Variants in CPEB3 observed in about 807,000 individuals in gnomAD.
CPEB3 encodes the protein cytoplasmic polyadenylation element-binding protein 3.
CPEB3 carries 20 observed loss-of-function variants against 67.2 expected under a neutral mutation model. The observed-to-expected ratio is 0.30, with a 90% CI of 0.21 to 0.43. CPEB3 has a LOEUF of 0.43. Ranked by LOEUF, CPEB3 falls within the 20% of genes least tolerant of loss-of-function variation. The pLI, the probability that CPEB3 is intolerant of heterozygous loss-of-function variation, is 1.00. For synonymous variants in CPEB3, 376 were observed against 393.1 expected (o/e 0.96, Z 0.51); for missense variants, 746 against 968.6 (o/e 0.77, Z 3.05).
chr10:92,120,583 A>AAAAAAAC (rs759397312), intron 6 of CPEB3, among the ~76,000 whole-genome samples: 1 of 152,158 alleles, frequency 6.6e-6, no homozygotes, highest in Non-Finnish European at 1.5e-5. Context: ...GACTGTCTCA[A>AAAAAAAC]AAAAAACAAA....
chr10:92,142,939 G>C (rs1045120438), intron 6 of CPEB3, 90 bp downstream of exon 6: 9 of 814,904 alleles, frequency 1.1e-5, no homozygotes, highest in Non-Finnish European at 1.8e-5. Flanking sequence ...AAATTCAACA[G>C]CTATTTCAAG....
chr10:92,147,468 T>A (rs1846742150), intron 4 of CPEB3, among the ~76,000 whole-genome samples: 1 of 151,542 alleles, frequency 6.6e-6, no homozygotes, highest in South Asian at 2.1e-4. Flanking sequence ...AAAAAAAACA[T>A]TAACTTACTC....
intron 1 of CPEB3, among the ~76,000 whole-genome samples, chr10:92,273,670 C>T (rs149763502): frequency 2.4e-4 from 36 of 152,218 alleles, no homozygotes; most frequent in African/African-American, 8.4e-4. Context: ...AATAAAATTT[C>T]ACTTCACACC....
chr10:92,118,686 G>C, intron 6 of CPEB3: 1 of 691,090 alleles, frequency 1.4e-6, no homozygotes, highest in Non-Finnish European at 2.7e-6. Flanking sequence ...CATGTTGGTC[G>C]ACATTGCCTC....
intron 1 of CPEB3, among the ~76,000 whole-genome samples, chr10:92,286,626 C>T (rs951264556): frequency 6.7e-6 from 1 of 149,214 alleles, no homozygotes; most frequent in Admixed American, 6.6e-5. Context: ...TAATTTGCTA[C>T]TAGCATACCT....
intron 4 of CPEB3, among the ~76,000 whole-genome samples, chr10:92,159,474 C>A (rs1045847535): frequency 1.8e-4 from 28 of 152,010 alleles, no homozygotes; most frequent in African/African-American, 6.8e-4. Flanking sequence ...GAGTTTGAGA[C>A]CATCCTGGCC....
intron 4 of CPEB3, among the ~76,000 whole-genome samples, chr10:92,178,257 C>G (rs1055446640): frequency 2.0e-5 from 3 of 151,340 alleles, no homozygotes; most frequent in African/African-American, 7.3e-5. Context: ...CTCCTGGGTT[C>G]AGGCGATTCT....
rs969367650 is a variant in CPEB3, at chr10:92,201,355, C to T, written c.1006-8719G>A. Among the ~76,000 whole-genome samples, 8 of 152,280 alleles carry T rather than the reference C, an allele frequency of 5.3e-5. No homozygotes were observed. In the East Asian group the frequency reaches 1.2e-3, roughly 22 times the overall value. On this transcript the variant is annotated intron_variant, in intron 2 of 9. Coordinates refer to ENST00000265997, the MANE Select transcript of CPEB3 (RefSeq NM_014912.5). ...CCAGCCTGGCCAACATGGTGAAACCCCGTCTCTACTAACAATATAAAAATT... is the reference window on the plus strand; with the variant it reads ...CCAGCCTGGCCAACATGGTGAAACCTCGTCTCTACTAACAATATAAAAATT...
At chr10:92,164,119 C>T (rs1214862480) in intron 4 of CPEB3, among the ~76,000 whole-genome samples, 5 of 152,120 alleles carry the variant, frequency 3.3e-5, no homozygotes, top group Admixed American at 2.0e-4. Context: ...GATAATTTAT[C>T]ATGTTCCAGG....
chr10:92,187,192 C>T (rs999324663), intron 3 of CPEB3, among the ~76,000 whole-genome samples: 6 of 152,132 alleles, frequency 3.9e-5, no homozygotes, highest in African/African-American at 1.4e-4. Flanking sequence ...GTGGCATTAT[C>T]TCTTCCATTT....
intron 2 of CPEB3, among the ~76,000 whole-genome samples, chr10:92,203,528 AT>A (rs1298232679): frequency 1.8e-3 from 172 of 93,864 alleles, no homozygotes; most frequent in Non-Finnish European, 2.4e-3. Flanking sequence ...ATATATATAT[AT>A]TTTTTTTTTA....
At chr10:92,157,824 T>C (rs1010790682) in intron 4 of CPEB3, among the ~76,000 whole-genome samples, 4 of 152,200 alleles carry the variant, frequency 2.6e-5, no homozygotes, top group African/African-American at 9.6e-5. Context: ...AAATAGTCTT[T>C]GCTATATCTT....
chr10:92,223,047 CAT>C (rs1472759610), intron 2 of CPEB3, among the ~76,000 whole-genome samples: 9 of 152,186 alleles, frequency 5.9e-5, no homozygotes, highest in Admixed American at 5.9e-4. Flanking sequence ...AATCCTCCCA[CAT>C]GATTAATTGG....
At chr10:92,199,557 G>T (rs909085497) in intron 2 of CPEB3, among the ~76,000 whole-genome samples, 11 of 151,296 alleles carry the variant, frequency 7.3e-5, no homozygotes, top group Non-Finnish European at 1.5e-4. Flanking sequence ...GGTGGCACGC[G>T]CCTGTAGTCC....
chr10:92,113,779 C>T (rs1262063248), intron 6 of CPEB3, among the ~76,000 whole-genome samples: 2 of 151,054 alleles, frequency 1.3e-5, no homozygotes, highest in African/African-American at 4.9e-5. Context: ...CTGAGCAGCT[C>T]CCACAAAAGC....
At chr10:92,185,038 T>C (rs1314270819) in intron 3 of CPEB3, among the ~76,000 whole-genome samples, 1 of 152,220 alleles carries the variant, frequency 6.6e-6, no homozygotes, top group Non-Finnish European at 1.5e-5. Flanking sequence ...GAAAAACTGA[T>C]TCCAAATTCA....
chr10:92,189,555 G>A (rs1193185393), intron 3 of CPEB3, among the ~76,000 whole-genome samples: 1 of 152,148 alleles, frequency 6.6e-6, no homozygotes, highest in Non-Finnish European at 1.5e-5. Flanking sequence ...GGCAGAGACA[G>A]AATTCACACC....
intron 6 of CPEB3, among the ~76,000 whole-genome samples, chr10:92,113,885 G>C (rs1025941654): frequency 6.6e-6 from 1 of 152,192 alleles, no homozygotes; most frequent in Admixed American, 6.5e-5. Flanking sequence ...GTAAAAGCCT[G>C]CTACAAATAC....
intron 1 of CPEB3, among the ~76,000 whole-genome samples, chr10:92,242,738 G>T (rs747727951): frequency 6.6e-6 from 1 of 152,104 alleles, no homozygotes; most frequent in African/African-American, 2.4e-5. Context: ...GCTGGACTCA[G>T]AACATTTTAT....
Sources: gnomAD v4.1 joint callset for allele counts (sites outside exome capture counted in the v4.1 genomes callset) on GRCh38, gnomAD v4.1.1 for gene constraint, MANE v1.5 for transcripts, NCBI Gene and HGNC (gene_info 2026-07-23, HGNC 2026-07-21) for gene names.